Variants in LTBP2 observed in about 807,000 individuals in gnomAD.
LTBP2 encodes latent transforming growth factor beta binding protein 2, also known as latent-transforming growth factor beta-binding protein 2.
A neutral mutation model predicts 210.6 loss-of-function variants in LTBP2; 103 were observed. The ratio of observed to expected loss-of-function variants is 0.49; its 90% CI spans 0.42 to 0.58. The LOEUF (loss-of-function observed/expected upper bound fraction) is 0.58. LTBP2 is among the 20% of genes least tolerant of loss of function. The pLI, the probability that LTBP2 is intolerant of heterozygous loss-of-function variation, is 0.00. For synonymous variants in LTBP2, 1,007 were observed against 1,015.0 expected (o/e 0.99, Z 0.15); for missense variants, 2,313 against 2,494.5 (o/e 0.93, Z 1.55).
At chr14:74,517,424 ACTCACTGCAACCTCCGG>A (rs1451589492) in intron 17 of LTBP2, among the ~76,000 whole-genome samples, 4 of 151,288 alleles carry the variant, frequency 2.6e-5, no homozygotes, top group South Asian at 2.1e-4. Flanking sequence ...CGCCATCTTG[ACTCACTGCAACCTCCGG>A]CTCACTGCAA....
chr14:74,515,813 C>T (rs1056364074), intron 18 of LTBP2, among the ~76,000 whole-genome samples: 12 of 152,102 alleles, frequency 7.9e-5, no homozygotes, highest in Admixed American at 2.0e-4. Context: ...AGGTGGGTTC[C>T]GGCTTTGGTC....
At chr14:74,514,505 C>G (rs2087110943) in intron 18 of LTBP2, among the ~76,000 whole-genome samples, 1 of 152,178 alleles carries the variant, frequency 6.6e-6, no homozygotes, top group Non-Finnish European at 1.5e-5. Flanking sequence ...ACAGATCAGC[C>G]TTTGGATGAG....
At position 74,611,468 on chromosome 14, in the gene LTBP2, C is replaced by T; in HGVS notation, c.477G>A (p.Pro159=). The change falls in exon 1 of 36, where the codon CCG becomes CCA. Residue 159 remains proline (P), a synonymous_variant. Transcript: ENST00000261978. ...QRSGAAPPTP[P]RGRLTGRNVC... ...ATGCTCACCCCGTGAGCCGCCCTCGCGGCGGGGTTGGGGGCGCAGCCCCAG... is the reference window on the plus strand; with the variant it reads ...ATGCTCACCCCGTGAGCCGCCCTCGTGGCGGGGTTGGGGGCGCAGCCCCAG... 1 of 1,493,694 alleles carries T rather than the reference C, an allele frequency of 6.7e-7. No individual in the cohort carries two copies. The allele number at this position is 1,493,694 out of a possible 1,614,324, so 92.5% of individuals were successfully genotyped here.
At chr14:74,506,529 C>T (rs551850266) in intron 27 of LTBP2, among the ~76,000 whole-genome samples, 169 bp downstream of exon 27, 24 of 152,370 alleles carry the variant, frequency 1.6e-4, no homozygotes, top group African/African-American at 5.8e-4. Flanking sequence ...ACCCGCCCGG[C>T]CCATGTGCCC....
chr14:74,521,840 A>G, intron 17 of LTBP2, 71 bp downstream of exon 17: 1 of 1,601,756 alleles, frequency 6.2e-7, no homozygotes. Flanking sequence ...TGGGGGTGTG[A>G]ACCCCTGGTT....
Position 74,551,346 on chromosome 14 carries a change from G to A in LTBP2, c.1404C>T (p.Ser468=), listed in dbSNP as rs543286727. 2.4e-5 allele frequency: 37 copies of A among 1,568,356 alleles called. No individual in the cohort carries two copies. The highest frequency in any genetic ancestry group is 2.0e-4 in the Middle Eastern group (1 of 4,920). The change falls in exon 7 of 36, where the codon TCC becomes TCT. Residue 468 remains serine, a synonymous_variant. Coordinates refer to ENST00000261978, the MANE Select transcript of LTBP2 (RefSeq NM_000428.3). ...FTLPLSNQLA[S]VNPSLVKVHI... is the part of the protein sequence containing the mutation. ...GCACCTTCACCAGGGAGGGGTTCAC[G>A]GAGGCTGGGCACAGGGGCTAGAGTC... is the stretch of plus-strand genomic sequence containing the variant.
At chr14:74,543,925 C>T (rs1306827999) in intron 8 of LTBP2, among the ~76,000 whole-genome samples, 2 of 152,222 alleles carry the variant, frequency 1.3e-5, no homozygotes, top group African/African-American at 4.8e-5. Context: ...GAAAAAGAGT[C>T]TGGTCAGACC....
At chr14:74,552,049 C>T (rs1393945610) in intron 6 of LTBP2, 138 bp downstream of exon 6, 4 of 800,390 alleles carry the variant, frequency 5.0e-6, no homozygotes, top group Non-Finnish European at 8.2e-6. Flanking sequence ...GCGCTGAGGG[C>T]CAGGAGAAAG....
In LTBP2 at chr14:74,506,631, TGAG is replaced by T. The variant is rs2086989113; in HGVS notation, c.4033+64_4033+66del. On this transcript the variant is annotated intron_variant, in intron 27 of 35. Coordinates refer to ENST00000261978, the MANE Select transcript of LTBP2 (RefSeq NM_000428.3). ...ATGGAGCCACGTGACCAGGACCAGTTGAGGAGGAGGACCCCAGGGCCTTCCCTT... is the reference window on the plus strand; with the variant it reads ...ATGGAGCCACGTGACCAGGACCAGTTGAGGAGGACCCCAGGGCCTTCCCTT... The T allele has an allele frequency of 1.1e-5, 17 of 1,601,886 alleles. No individual in the cohort carries two copies. The South Asian group carries it at 1.7e-4, about 16-fold the overall frequency.
At chr14:74,550,992 A>G (rs2087645464) in intron 7 of LTBP2, 72 bp downstream of exon 7, 3 of 1,558,380 alleles carry the variant, frequency 1.9e-6, no homozygotes, top group Admixed American at 1.7e-5. Context: ...GACAGAGAGG[A>G]GGAGAAGGGC....
intron 8 of LTBP2, among the ~76,000 whole-genome samples, chr14:74,542,201 G>A (rs1475996480): frequency 6.6e-6 from 1 of 152,198 alleles, no homozygotes; most frequent in Non-Finnish European, 1.5e-5. Flanking sequence ...CGGGACATAT[G>A]GTCTTCTGAT....
At chr14:74,609,618 C>A (rs916464166) in intron 1 of LTBP2, among the ~76,000 whole-genome samples, 2 of 152,140 alleles carry the variant, frequency 1.3e-5, no homozygotes, top group Admixed American at 1.3e-4. Flanking sequence ...ACACCACCCT[C>A]ACCTCCAGGC....
chr14:74,546,177 C>T (rs34592303), intron 8 of LTBP2, among the ~76,000 whole-genome samples: 4,862 of 152,182 alleles, frequency 0.032, 155 homozygotes, highest in Non-Finnish European at 0.042. Flanking sequence ...ACAAAGGCTT[C>T]CCCCAGAAGC....
rs1039457593 is a variant in LTBP2, at chr14:74,569,705, T to G, written c.831-14012A>C. Among the ~76,000 whole-genome samples, 4 of 152,254 alleles carry G rather than the reference T, an allele frequency of 2.6e-5. No individual in the cohort carries two copies. In the East Asian group the frequency reaches 7.7e-4, roughly 29 times the overall value. ...ACACAACCTGTCTTGATGAAATAAT[T>G]GCTATACTTACTAAACACAGGCTGA... On this transcript the variant is annotated intron_variant, in intron 3 of 35. Transcript: ENST00000261978.
At position 74,586,261 on chromosome 14, in the gene LTBP2, C is replaced by T; in HGVS notation, c.566-143G>A. On this transcript the variant is annotated intron_variant, in intron 2 of 35. Transcript: ENST00000261978. The surrounding 1 kb of genome is among the most constrained non-coding windows in gnomAD (Gnocchi z 4.6). ...AAGCCACTCTCCTGGCCTCAGGGGG[C>T]TCCCTGACCCATGTCTCTCCCACCT... is the stretch of plus-strand genomic sequence containing the variant. 1 of 875,096 alleles carries T rather than the reference C, an allele frequency of 1.1e-6. No homozygotes were observed. The highest frequency in any genetic ancestry group is 1.7e-6 in the Non-Finnish European group (1 of 577,398). The allele number at this position is 875,096 out of a possible 1,614,324, so 54.2% of individuals were successfully genotyped here.
chr14:74,548,377 C>T (rs956084403), intron 8 of LTBP2, among the ~76,000 whole-genome samples: 3 of 152,084 alleles, frequency 2.0e-5, no homozygotes, highest in Admixed American at 2.0e-4. Flanking sequence ...TACCAGCCAT[C>T]TATGACTACC....
chr14:74,579,778 G>A (rs1292599626), intron 3 of LTBP2, among the ~76,000 whole-genome samples: 2 of 152,234 alleles, frequency 1.3e-5, no homozygotes, highest in African/African-American at 4.8e-5. Context: ...GAAGGGGTAA[G>A]GACAGGCTAC....
At chr14:74,596,612 T>C (rs548074866) in intron 2 of LTBP2, among the ~76,000 whole-genome samples, 4 of 152,178 alleles carry the variant, frequency 2.6e-5, no homozygotes, top group African/African-American at 7.2e-5. Flanking sequence ...CAGGCTGTGG[T>C]ATCACCCAGG....
intron 34 of LTBP2, 158 bp from the exon 35 acceptor site, chr14:74,501,748 C>G (rs1281987736): frequency 1.2e-6 from 1 of 851,194 alleles, no homozygotes; most frequent in Non-Finnish European, 1.8e-6. Flanking sequence ...GATGCTAGAA[C>G]AAAAGGCAGT....
Sources: allele counts gnomAD v4.1 joint callset (sites outside exome capture counted in the v4.1 genomes callset), GRCh38; gene constraint gnomAD v4.1.1; non-coding constraint Gnocchi (gnomAD v3.1); transcripts MANE v1.5; gene names NCBI Gene and HGNC (gene_info 2026-07-23, HGNC 2026-07-21).